ALDH7A1: variants seen among roughly 807,000 people sequenced by gnomAD.
The protein encoded by ALDH7A1 is alpha-aminoadipic semialdehyde dehydrogenase.
In ALDH7A1, 63 loss-of-function variants were observed where a neutral mutation model predicts 79.9. The observed-to-expected ratio is 0.79, with a 90% CI of 0.64 to 0.97. ALDH7A1 has a LOEUF of 0.97. ALDH7A1 is among the 50% of genes least tolerant of loss of function. The pLI, the probability that ALDH7A1 is intolerant of heterozygous loss-of-function variation, is 0.00. For missense variants in ALDH7A1, 627 were observed against 665.2 expected (o/e 0.94, Z 0.63); for synonymous variants, 240 against 231.2 (o/e 1.04, Z -0.34).
chr5:126,587,136 C>T (rs1460377821), intron 3 of ALDH7A1: 1 of 151,668 alleles, frequency 6.6e-6, no homozygotes, highest in Non-Finnish European at 1.5e-5. Flanking sequence ...AACAGAGAGA[C>T]TCCTACTCTT....
chr5:126,559,263 TC>T lies in ALDH7A1; in HGVS notation c.984del (p.Arg329GlyfsTer19), dbSNP rs1275490470. On this transcript the variant is annotated frameshift_variant, in exon 11 of 18. Coordinates refer to ENST00000409134, the MANE Select transcript of ALDH7A1 (RefSeq NM_001182.5). LOFTEE classifies it high-confidence loss of function. ...ACCAGTCGCCTCGCAGTGGTACACC[TC>T]TGGCCAGCTGTTCCCACAGCAGCGA... ...ALFAAVGTAGQRCTTARRLFI... is the reference protein window; with the variant it reads ...ALFAAVGTAGXRCTTARRLFI... 5 of 1,613,844 alleles carry T rather than the reference TC, an allele frequency of 3.1e-6. No homozygotes were observed. Among genetic ancestry groups the T allele is most frequent in the African/African-American group, 1.3e-5 (1 of 74,946 alleles).
intron 16 of ALDH7A1, among the ~76,000 whole-genome samples, chr5:126,547,099 G>T (rs1749809902): frequency 6.6e-6 from 1 of 152,206 alleles, no homozygotes; most frequent in African/African-American, 2.4e-5. Context: ...CAGCGCCTCT[G>T]AAACTCCTGG....
At chr5:126,559,127 C>T in intron 11 of ALDH7A1, 113 bp downstream of exon 11, 2 of 849,492 alleles carry the variant, frequency 2.4e-6, no homozygotes, top group South Asian at 1.4e-5. Flanking sequence ...TTGCCAGCCA[C>T]ATCTAGAGAG....
At chr5:126,550,476 T>G (rs900530413) in intron 14 of ALDH7A1, among the ~76,000 whole-genome samples, 183 bp from the exon 15 acceptor site, 4 of 146,208 alleles carry the variant, frequency 2.7e-5, no homozygotes, top group Middle Eastern at 3.8e-3. Flanking sequence ...TAAAAAATTT[T>G]GGGATTTTTC....
At chr5:126,594,432 G>C (rs965630732) in intron 1 of ALDH7A1, 66 of 254,264 alleles carry the variant, frequency 2.6e-4, no homozygotes, top group Non-Finnish European at 4.4e-4. Context: ...AGACCATAAG[G>C]TTTTAATTTT....
At chr5:126,554,194 G>T in intron 13 of ALDH7A1, 93 bp downstream of exon 13, 1 of 914,136 alleles carries the variant, frequency 1.1e-6, no homozygotes, top group Non-Finnish European at 1.8e-6. Context: ...ATGTCAAATG[G>T]GGTGGCTTTT....
intron 7 of ALDH7A1, among the ~76,000 whole-genome samples, chr5:126,572,104 A>T (rs1205437115): frequency 6.6e-6 from 1 of 152,236 alleles, no homozygotes; most frequent in African/African-American, 2.4e-5. Flanking sequence ...GAGTTTCCAG[A>T]GGACCAAAGA....
chr5:126,587,617 G>A (rs1751395540), intron 3 of ALDH7A1: 1 of 151,580 alleles, frequency 6.6e-6, no homozygotes, highest in Non-Finnish European at 1.5e-5. Flanking sequence ...GGCAACAAGA[G>A]CAAAACTCTG....
intron 10 of ALDH7A1, among the ~76,000 whole-genome samples, chr5:126,559,758 G>T (rs1320510159): frequency 1.3e-5 from 2 of 151,986 alleles, no homozygotes; most frequent in Non-Finnish European, 2.9e-5. Context: ...TGCAGTAAAA[G>T]AACATCAAAA....
Position 126,576,575 on chromosome 5 carries a change from TAA to T in ALDH7A1, c.650+502_650+503del, listed in dbSNP as rs143818322. Among the ~76,000 whole-genome samples the T allele has an allele frequency of 5.0e-3, 762 of 152,214 alleles. 5 individuals are homozygous for T. Among genetic ancestry groups the T allele is most frequent in the African/African-American group, 0.017 (724 of 41,486 alleles). On this transcript the variant is annotated intron_variant, in intron 6 of 17. Transcript: ENST00000409134. ...AGATATTTTGCAGAGTTGAAAAATT[TAA>T]GACCTAAATGGAAACACTGACCAAC...
At position 126,542,069 on chromosome 5, in the gene ALDH7A1, G is replaced by A. The variant is rs796191869; in HGVS notation, c.*2896C>T. On this transcript the variant is annotated 3_prime_UTR_variant, in exon 18 of 18. Transcript: ENST00000409134. ...AAGTTCTTCCCCTTGGATAGGAGAGGTTTCGTTTGGTTTTCTTTTAATTTC... is the reference window on the plus strand; with the variant it reads ...AAGTTCTTCCCCTTGGATAGGAGAGATTTCGTTTGGTTTTCTTTTAATTTC... 18 of 147,866 alleles carry A rather than the reference G, an allele frequency of 1.2e-4. No individual in the cohort carries two copies. Among genetic ancestry groups the A allele is most frequent in the African/African-American group, 4.5e-4 (18 of 40,190 alleles). 9.2% of individuals were successfully genotyped at this position (147,866 alleles called of 1,614,324 possible).
Position 126,573,189 on chromosome 5 carries a change from G to A in ALDH7A1, c.695+2231C>T, listed in dbSNP as rs139001340. The stretch of plus-strand genomic sequence containing the variant: ...GAACAATATTTTAACCAGCTACTTC[G>A]TAACAATTAAGTCAGTTCACTACTT... On this transcript the variant is annotated intron_variant, in intron 7 of 17. Coordinates refer to ENST00000409134, the MANE Select transcript of ALDH7A1 (RefSeq NM_001182.5). Among the ~76,000 whole-genome samples the A allele has an allele frequency of 3.6e-3, 518 of 145,848 alleles. 10 individuals carry two copies. Among genetic ancestry groups the A allele is most frequent in the African/African-American group, 0.012 (461 of 39,680 alleles).
chr5:126,546,797 A>G (rs1394403585), intron 16 of ALDH7A1, among the ~76,000 whole-genome samples: 1 of 152,176 alleles, frequency 6.6e-6, no homozygotes, highest in Non-Finnish European at 1.5e-5. Flanking sequence ...TATCTCTCTC[A>G]ATAACTTGTA....
intron 6 of ALDH7A1, among the ~76,000 whole-genome samples, chr5:126,576,105 CA>C (rs555091069): frequency 1.3e-5 from 2 of 151,276 alleles, no homozygotes; most frequent in Non-Finnish European, 2.9e-5. Flanking sequence ...ACTAAAAATA[CA>C]AAAAAAATTA....
At chr5:126,554,464 T>C in intron 12 of ALDH7A1, 71 bp from the exon 13 acceptor site, 1 of 1,237,700 alleles carries the variant, frequency 8.1e-7, no homozygotes, top group East Asian at 2.3e-5. Flanking sequence ...TAGAACAGCT[T>C]TCTCAATGAA....
chr5:126,558,205 C>CA (rs1283993003), intron 11 of ALDH7A1, among the ~76,000 whole-genome samples: 1 of 104,360 alleles, frequency 9.6e-6, no homozygotes, highest in Admixed American at 9.2e-5. Context: ...AAAAACAAAA[C>CA]AAAAAAAACT....
chr5:126,582,735 A>G, intron 5 of ALDH7A1, 116 bp downstream of exon 5: 3 of 1,178,050 alleles, frequency 2.5e-6, no homozygotes, highest in Non-Finnish European at 3.7e-6. Context: ...ATATTTTCAC[A>G]TATTTATGCC....
chr5:126,568,264 C>T lies in ALDH7A1; in HGVS notation c.866G>A (p.Arg289Lys). Reference sequence around the variant, plus strand: ...ATTAGAAAGCCAACACTTACCAAACCTCTCCTGCACCATCAGGCCCACCTG... The same window carrying T: ...ATTAGAAAGCCAACACTTACCAAACTTCTCCTGCACCATCAGGCCCACCTG... ...GKQVGLMVQE[R>K]FGRSLLELGG... is the part of the protein sequence containing the mutation. Residue 289 changes from arginine (R) to lysine (K), a missense_variant, in exon 9 of 18, where the codon AGG (arginine) becomes AAG (lysine). Arg to Lys is a conservative substitution (Grantham distance 26, BLOSUM62 2). Coordinates refer to ENST00000409134, the MANE Select transcript of ALDH7A1 (RefSeq NM_001182.5). 1 of 1,614,040 alleles carries T rather than the reference C, an allele frequency of 6.2e-7. No individual in the cohort carries two copies. Among genetic ancestry groups the T allele is most frequent in the Non-Finnish European group, 8.5e-7 (1 of 1,179,946 alleles).
At chr5:126,585,037 G>C (rs562369339) in intron 3 of ALDH7A1, among the ~76,000 whole-genome samples, 1 of 152,276 alleles carries the variant, frequency 6.6e-6, no homozygotes, top group South Asian at 2.1e-4. Context: ...GGTGGCTCAC[G>C]TCTATAATCC....
Sources: gnomAD v4.1 joint callset for allele counts (sites outside exome capture counted in the v4.1 genomes callset) on GRCh38, gnomAD v4.1.1 for gene constraint, MANE v1.5 for transcripts, NCBI Gene and HGNC (gene_info 2026-07-23, HGNC 2026-07-21) for gene names.